DGKI: variants seen among roughly 807,000 people sequenced by gnomAD.
The protein encoded by DGKI is DAG kinase iota.
DGKI carries 55 observed loss-of-function variants against 147.5 expected under a neutral mutation model. That is an observed-to-expected ratio of 0.37 (90% CI 0.30 to 0.47). The LOEUF is 0.47. Among genes scored for constraint, DGKI ranks in the 20% least tolerant of loss-of-function variants. The pLI is 1.00. For synonymous variants in DGKI, 469 were observed against 477.1 expected, an observed-to-expected ratio of 0.98 and a Z score of 0.22; for missense variants, 1,007 against 1,323.8, an observed-to-expected ratio of 0.76 and a Z score of 3.71.
At chr7:137,472,379 GTA>G (rs1341686556) in intron 23 of DGKI, among the ~76,000 whole-genome samples, 2 of 113,562 alleles carry the variant, frequency 1.8e-5, no homozygotes, top group Non-Finnish European at 3.3e-5. Context: ...ATTATTATAT[GTA>G]TATATACATA....
At chr7:137,835,448 G>T (rs1015772217) in intron 1 of DGKI, among the ~76,000 whole-genome samples, 3 of 152,126 alleles carry the variant, frequency 2.0e-5, no homozygotes, top group Admixed American at 6.5e-5. Context: ...GACCTGAAAT[G>T]CAATTGCTAT....
In DGKI at chr7:137,826,560, A is replaced by G. The variant is rs1424668491; in HGVS notation, c.401+19902T>C. On this transcript the variant is annotated intron_variant, in intron 1 of 32. Coordinates refer to ENST00000614521, the MANE Select transcript of DGKI (RefSeq NM_001321708.2). Reference sequence around the variant, plus strand: ...TAACACAGCCCTCTGACAGTGAACAATGTTTAAGCTGCTTGACTACTGTTT... The same window carrying G: ...TAACACAGCCCTCTGACAGTGAACAGTGTTTAAGCTGCTTGACTACTGTTT... 5.9e-5 allele frequency among the ~76,000 whole-genome samples: 9 copies of G among 152,356 alleles called. No homozygotes were observed. In the South Asian group the frequency reaches 1.9e-3, roughly 32 times the overall value.
At chr7:137,510,079 G>A (rs1395837530) in intron 21 of DGKI, among the ~76,000 whole-genome samples, 1 of 152,206 alleles carries the variant, frequency 6.6e-6, no homozygotes, top group Non-Finnish European at 1.5e-5. Context: ...TGCGGTTCAC[G>A]CATTGACCGT....
In DGKI at chr7:137,638,561, TATAC is replaced by T. The variant is rs1563125651; in HGVS notation, c.804+6907_804+6910del. Among the ~76,000 whole-genome samples the T allele has an allele frequency of 3.7e-5, 4 of 109,360 alleles. 1 individual carries two copies. The highest frequency in any genetic ancestry group is 3.0e-4 in the East Asian group (1 of 3,352). The allele number at this position is 109,360 out of a possible 152,430, so 71.7% of individuals were successfully genotyped here. Reference sequence around the variant, plus strand: ...ATATGTATATATATGTGTGTATATATATACACACATATATGTATATATACACATA... The same window carrying T: ...ATATGTATATATATGTGTGTATATATACACATATATGTATATATACACATA... On this transcript the variant is annotated intron_variant, in intron 6 of 32. Coordinates refer to ENST00000614521, the MANE Select transcript of DGKI (RefSeq NM_001321708.2).
At chr7:137,477,105 G>T (rs1815196863) in intron 23 of DGKI, among the ~76,000 whole-genome samples, 1 of 152,128 alleles carries the variant, frequency 6.6e-6, no homozygotes, top group Non-Finnish European at 1.5e-5. Flanking sequence ...CAGACAGTTT[G>T]CTCCTGGTAG....
chr7:137,423,962 C>G (rs570006899), intron 28 of DGKI, among the ~76,000 whole-genome samples: 4 of 152,250 alleles, frequency 2.6e-5, no homozygotes, highest in Non-Finnish European at 4.4e-5. Flanking sequence ...GTTTGCTGCA[C>G]CCACCAACCC....
intron 21 of DGKI, among the ~76,000 whole-genome samples, chr7:137,516,128 T>C (rs928408590): frequency 4.1e-4 from 63 of 152,006 alleles, no homozygotes; most frequent in Admixed American, 3.7e-3. Flanking sequence ...CAATTTTAGA[T>C]GAAGCTATTG....
intron 3 of DGKI, among the ~76,000 whole-genome samples, chr7:137,660,683 C>A (rs1408627191): frequency 1.3e-5 from 2 of 152,106 alleles, no homozygotes; most frequent in East Asian, 3.9e-4. Flanking sequence ...CTATATGTAC[C>A]AAGAAAGCTA....
chr7:137,492,488 T>G (rs934965824), intron 21 of DGKI, among the ~76,000 whole-genome samples: 1 of 152,140 alleles, frequency 6.6e-6, no homozygotes, highest in Non-Finnish European at 1.5e-5. Flanking sequence ...TGGCCCTCAG[T>G]AACCCCTGGG....
intron 20 of DGKI, among the ~76,000 whole-genome samples, chr7:137,522,238 T>TA: frequency 6.6e-6 from 1 of 152,222 alleles, no homozygotes; most frequent in East Asian, 1.9e-4. Flanking sequence ...ATTGATTTTT[T>TA]AAAACATTTA....
At chr7:137,631,256 G>GA (rs1224884380) in intron 6 of DGKI, among the ~76,000 whole-genome samples, 1 of 152,178 alleles carries the variant, frequency 6.6e-6, no homozygotes, top group Non-Finnish European at 1.5e-5. Flanking sequence ...CTGAGAAGGA[G>GA]ACTTTAAAAT....
At chr7:137,524,117 G>A (rs1297418092) in intron 20 of DGKI, among the ~76,000 whole-genome samples, 1 of 146,278 alleles carries the variant, frequency 6.8e-6, no homozygotes, top group Non-Finnish European at 1.5e-5. Context: ...ATCAGGCGGG[G>A]TGGTTAAGTA....
At chr7:137,554,914 C>CTTTTTT (rs757320303) in intron 19 of DGKI, among the ~76,000 whole-genome samples, 18 of 107,432 alleles carry the variant, frequency 1.7e-4, no homozygotes, top group Non-Finnish European at 2.6e-4. Flanking sequence ...AAACTATTTT[C>CTTTTTT]TTTTTTTTTT....
At chr7:137,593,517 T>C (rs1819687203) in intron 12 of DGKI, among the ~76,000 whole-genome samples, 1 of 152,222 alleles carries the variant, frequency 6.6e-6, no homozygotes, top group African/African-American at 2.4e-5. Context: ...CAGCTGTAAC[T>C]ATGTGACAGC....
Position 137,846,473 on chromosome 7 carries a change from C to T in DGKI, c.390G>A (p.Gln130=). The change falls in exon 1 of 33, where the codon CAG becomes CAA. Residue 130 remains glutamine (Q), a synonymous_variant. Coordinates refer to ENST00000614521, the MANE Select transcript of DGKI (RefSeq NM_001321708.2). This position sits in a 1 kb window ranked among gnomAD's most constrained non-coding sequence, Gnocchi z 4.0. ...CTCCCCGCACCTACCTGTACGAGAC[C>T]TGCTTCCGGAAAGTTAAGTTCCTCA... is the stretch of plus-strand genomic sequence containing the variant. The part of the protein sequence containing the change: ...EKLRNLTFRK[Q]VSYRKAISRA... 1 of 1,593,934 alleles carries T rather than the reference C, an allele frequency of 6.3e-7. No homozygotes were observed. The highest frequency in any genetic ancestry group is 8.5e-7 in the Non-Finnish European group (1 of 1,171,180).
intron 1 of DGKI, among the ~76,000 whole-genome samples, chr7:137,751,813 T>G (rs58701346): frequency 0.11 from 16,313 of 152,070 alleles, 1,530 homozygotes; most frequent in African/African-American, 0.26. Context: ...CCAATAAAAC[T>G]TTATTTACAA....
At chr7:137,758,434 C>T (rs1332753595) in intron 1 of DGKI, among the ~76,000 whole-genome samples, 1 of 152,108 alleles carries the variant, frequency 6.6e-6, no homozygotes, top group African/African-American at 2.4e-5. Flanking sequence ...ACCTGTAATC[C>T]CAGCATTTTG....
intron 23 of DGKI, among the ~76,000 whole-genome samples, chr7:137,476,749 G>A (rs1815185110): frequency 6.6e-6 from 1 of 152,100 alleles, no homozygotes; most frequent in Non-Finnish European, 1.5e-5. Context: ...CTCTTCTCCT[G>A]CATGTAAGAG....
At chr7:137,599,369 T>C (rs898981906) in intron 11 of DGKI, among the ~76,000 whole-genome samples, 20 of 151,954 alleles carry the variant, frequency 1.3e-4, no homozygotes, top group African/African-American at 4.8e-4. Context: ...CAATTGATTC[T>C]CTCTCTCTCA....
Sources: gnomAD v4.1 joint callset for allele counts (sites outside exome capture counted in the v4.1 genomes callset) on GRCh38, gnomAD v4.1.1 for gene constraint, Gnocchi (gnomAD v3.1) non-coding constraint, MANE v1.5 for transcripts, NCBI Gene and HGNC (gene_info 2026-07-23, HGNC 2026-07-21) for gene names.